MKLN1: variants seen among roughly 807,000 people sequenced by gnomAD.
MKLN1 encodes the protein muskelin 1, also known as muskelin.
In MKLN1, 18 loss-of-function variants were observed where a neutral mutation model predicts 99.0. The observed-to-expected ratio is 0.18, with a 90% CI of 0.13 to 0.27. MKLN1 has a LOEUF of 0.27. Ranked by LOEUF, MKLN1 falls within the 10% of genes least tolerant of loss-of-function variation. MKLN1 has a pLI of 1.00. For missense variants in MKLN1, 621 were observed against 875.9 expected, an observed-to-expected ratio of 0.71 and a Z score of 3.67; for synonymous variants, 288 against 293.2, an observed-to-expected ratio of 0.98 and a Z score of 0.18.
rs1167159407 is a variant in MKLN1, at chr7:131,490,826, C to G, written c.*3098C>G. ...TTCCAGTTGATCTCTTCACATCTGC[C>G]TTAAAAGTGCTATGTAGAGATACAT... On this transcript the variant is annotated 3_prime_UTR_variant, in exon 18 of 18. Transcript: ENST00000352689. 2 of 152,422 alleles carry G rather than the reference C, an allele frequency of 1.3e-5. No homozygotes were observed. Among genetic ancestry groups the G allele is most frequent in the Non-Finnish European group, 2.9e-5 (2 of 68,000 alleles). 9.4% of individuals were successfully genotyped at this position (152,422 alleles called of 1,614,324 possible). A position where few individuals can be genotyped will look rare whatever the true frequency, so the allele number is the denominator to read the frequency against.
chr7:131,314,056 C>A (rs1303560606), intron 3 of MKLN1, among the ~76,000 whole-genome samples: 4 of 152,176 alleles, frequency 2.6e-5, no homozygotes, highest in Admixed American at 1.3e-4. Context: ...AAACCAGTAA[C>A]TCCCTGTAGT....
At chr7:131,147,503 A>T (rs1323065313) in intron 2 of MKLN1, among the ~76,000 whole-genome samples, 1 of 152,214 alleles carries the variant, frequency 6.6e-6, no homozygotes, top group Non-Finnish European at 1.5e-5. Context: ...CCAGGGTCAT[A>T]TAGCTAGTAA....
intron 3 of MKLN1, among the ~76,000 whole-genome samples, chr7:131,237,873 G>A (rs10278967): frequency 6.6e-6 from 1 of 152,018 alleles, no homozygotes; most frequent in African/African-American, 2.4e-5. Flanking sequence ...GTGGCTGGGT[G>A]TGGTAGCTCA....
intron 3 of MKLN1, among the ~76,000 whole-genome samples, chr7:131,215,754 C>T (rs1796971627): frequency 6.6e-6 from 1 of 152,158 alleles, no homozygotes; most frequent in Non-Finnish European, 1.5e-5. Context: ...GATGGAGATA[C>T]CATGGATTCA....
intron 10 of MKLN1, among the ~76,000 whole-genome samples, chr7:131,441,132 T>C (rs1254689813): frequency 1.3e-5 from 2 of 152,016 alleles, no homozygotes; most frequent in Non-Finnish European, 2.9e-5. Flanking sequence ...TACTAGAAAA[T>C]GGAAAGTGAG....
intron 3 of MKLN1, among the ~76,000 whole-genome samples, chr7:131,224,481 G>T (rs983301984): frequency 1.1e-4 from 17 of 152,082 alleles, no homozygotes; most frequent in African/African-American, 4.1e-4. Flanking sequence ...AGGAGGCAGA[G>T]GCTACGGTGA....
intron 3 of MKLN1, among the ~76,000 whole-genome samples, chr7:131,319,900 AC>A (rs770108500): frequency 6.6e-6 from 1 of 152,214 alleles, no homozygotes; most frequent in East Asian, 1.9e-4. Flanking sequence ...TTCAAGGAGA[AC>A]TACAAACCAC....
chr7:131,305,582 TG>T (rs1354127089), intron 3 of MKLN1, among the ~76,000 whole-genome samples: 1 of 152,220 alleles, frequency 6.6e-6, no homozygotes, highest in African/African-American at 2.4e-5. Flanking sequence ...TCTTCATCAC[TG>T]TACTAGTTTA....
rs551265894 is a variant in MKLN1, at chr7:131,163,847, A to G, written c.-297+20906A>G. 2.3e-4 allele frequency among the ~76,000 whole-genome samples: 35 copies of G among 152,356 alleles called. 1 individual carries two copies. The highest frequency in any genetic ancestry group is 1.2e-3 in the South Asian group (6 of 4,832). Reference sequence around the variant, plus strand: ...GCTATGACAATTTTATTTGCATTTTACATATATTATACTTGTATATAACAT... The same window carrying G: ...GCTATGACAATTTTATTTGCATTTTGCATATATTATACTTGTATATAACAT... On this transcript the variant is annotated intron_variant, in intron 2 of 7. Transcript: ENST00000416992.
At position 131,487,489 on chromosome 7, in the gene MKLN1, C is replaced by A; in HGVS notation, c.2087-118C>A. On this transcript the variant is annotated intron_variant, in intron 17 of 17. Transcript: ENST00000352689. The surrounding 1 kb of genome is among the most constrained non-coding windows in gnomAD (Gnocchi z 4.7). ...CTGGGGTCAGATCAGTAGTGTCTGC[C>A]TGGTTTTGAAGCCTGATTTGATTTC... The A allele has an allele frequency of 8.8e-7, 1 of 1,139,926 alleles. No individual in the cohort carries two copies. The highest frequency in any genetic ancestry group is 1.2e-6 in the Non-Finnish European group (1 of 809,426). The allele number at this position is 1,139,926 out of a possible 1,614,324, so 70.6% of individuals were successfully genotyped here.
intron 1 of MKLN1, among the ~76,000 whole-genome samples, chr7:131,342,515 A>T (rs570644542): frequency 2.6e-4 from 40 of 152,366 alleles, no homozygotes; most frequent in African/African-American, 9.1e-4. Context: ...GAAATATCAA[A>T]TGGGAGATAT....
intron 2 of MKLN1, among the ~76,000 whole-genome samples, chr7:131,180,712 A>C (rs1158024474): frequency 6.6e-6 from 1 of 151,736 alleles, no homozygotes; most frequent in Non-Finnish European, 1.5e-5. Flanking sequence ...AAAAAAAAAA[A>C]AGAAAGAAAA....
At chr7:131,478,595 C>CTTTTCT in intron 16 of MKLN1, 28 bp from the exon 17 acceptor site, 1 of 1,237,448 alleles carries the variant, frequency 8.1e-7, no homozygotes, top group Admixed American at 3.5e-5. Flanking sequence ...TTTGCTGCTT[C>CTTTTCT]TTTTTTTTTT....
At chr7:131,277,688 C>T (rs753515411) in intron 3 of MKLN1, among the ~76,000 whole-genome samples, 2 of 152,088 alleles carry the variant, frequency 1.3e-5, no homozygotes, top group African/African-American at 2.4e-5. Context: ...AGTGCTGGGA[C>T]TACAGGCGTG....
At chr7:131,427,348 G>T (rs1372770281) in intron 8 of MKLN1, among the ~76,000 whole-genome samples, 1 of 152,152 alleles carries the variant, frequency 6.6e-6, no homozygotes, top group Non-Finnish European at 1.5e-5. Context: ...ACTTTGAATT[G>T]TAACCCTGCA....
At chr7:131,388,994 A>G in intron 4 of MKLN1, 22 bp downstream of exon 4, 1 of 1,508,616 alleles carries the variant, frequency 6.6e-7, no homozygotes, top group Non-Finnish European at 9.1e-7. Flanking sequence ...GCATTCTGAA[A>G]TAGAAACAAA....
At chr7:131,128,666 G>A (rs1443021552) in intron 1 of MKLN1, among the ~76,000 whole-genome samples, 1 of 152,114 alleles carries the variant, frequency 6.6e-6, no homozygotes, top group Non-Finnish European at 1.5e-5. Flanking sequence ...TGCCTAGGCT[G>A]GAATGCAGTT....
At chr7:131,475,121 A>G (rs1461599021) in intron 16 of MKLN1, among the ~76,000 whole-genome samples, 2 of 152,326 alleles carry the variant, frequency 1.3e-5, no homozygotes, top group South Asian at 2.1e-4. Context: ...AATCCAAACT[A>G]TATCACCAAG....
At chr7:131,110,150 C>T in exon 1 of MKLN1, 1 of 198,178 alleles carries the variant, frequency 5.0e-6, no homozygotes, top group South Asian at 6.0e-5. Flanking sequence ...TCCTCCAGAG[C>T]CGCCCGGGAG....
Sources: gnomAD v4.1 joint callset for allele counts (sites outside exome capture counted in the v4.1 genomes callset) on GRCh38, gnomAD v4.1.1 for gene constraint, Gnocchi (gnomAD v3.1) non-coding constraint, MANE v1.5 for transcripts, NCBI Gene and HGNC (gene_info 2026-07-23, HGNC 2026-07-21) for gene names.